The following WEE2 variants were observed in gnomAD, a reference collection of about 807,000 sequenced individuals.
The protein encoded by WEE2 is wee1-like protein kinase 2.
In WEE2, 50 loss-of-function variants were observed where a neutral mutation model predicts 60.1. That is an observed-to-expected ratio of 0.83 (90% CI 0.66 to 1.05). The LOEUF is 1.05. Ranked by LOEUF, WEE2 falls within the 50% of genes least tolerant of loss-of-function variation. WEE2 has a pLI of 0.00. For synonymous variants in WEE2, 240 were observed against 241.0 expected, an observed-to-expected ratio of 1.00 and a Z score of 0.04; for missense variants, 631 against 684.3, an observed-to-expected ratio of 0.92 and a Z score of 0.87.
At chr7:141,729,698 T>C in intron 11 of WEE2, 25 bp downstream of exon 11, 2 of 1,597,046 alleles carry the variant, frequency 1.3e-6, no homozygotes, top group Non-Finnish European at 1.7e-6. Flanking sequence ...CCTTAAGAAC[T>C]CATTTTGCAG....
At chr7:141,716,612 C>G (rs1798801884) in intron 3 of WEE2, among the ~76,000 whole-genome samples, 1 of 151,866 alleles carries the variant, frequency 6.6e-6, no homozygotes, top group African/African-American at 2.4e-5. Context: ...TAGTCAGGGT[C>G]TGTGTTCTCA....
chr7:141,723,100 T>C lies in WEE2; in HGVS notation c.881-34T>C, dbSNP rs372816512. The C allele has an allele frequency of 1.9e-6, 3 of 1,612,788 alleles. No homozygotes were observed. In the African/African-American group the frequency reaches 4.0e-5, roughly 22 times the overall value. On this transcript the variant is annotated intron_variant, in intron 5 of 11. Transcript: ENST00000397541. ...ACTATGCTTTCATCTATAAGACTCATACTGTGGGGCTGTTCTCTGTTGTTC... is the reference window on the plus strand; with the variant it reads ...ACTATGCTTTCATCTATAAGACTCACACTGTGGGGCTGTTCTCTGTTGTTC...
chr7:141,727,018 G>A (rs568171197), intron 9 of WEE2, among the ~76,000 whole-genome samples: 233 of 152,270 alleles, frequency 1.5e-3, no homozygotes, highest in Non-Finnish European at 2.7e-3. Flanking sequence ...TTTTTATCGA[G>A]AGTCTTAGTT....
rs200837164 is a variant in WEE2, at chr7:141,722,765, AAAAT to A, written c.881-368_881-365del. ...TAGTTAATAATTAGGTAAAACTTTT[AAAAT>A]GTTAGCTGGTACATATTTGAATCAA... On this transcript the variant is annotated intron_variant, in intron 5 of 11. Transcript: ENST00000397541. Among the ~76,000 whole-genome samples, 475 of 152,340 alleles carry A rather than the reference AAAAT, an allele frequency of 3.1e-3. 6 individuals carry two copies. The highest frequency in any genetic ancestry group is 0.024 in the East Asian group (122 of 5,186).
At chr7:141,715,431 C>A (rs1798778441) in intron 2 of WEE2, among the ~76,000 whole-genome samples, 1 of 152,106 alleles carries the variant, frequency 6.6e-6, no homozygotes, top group South Asian at 2.1e-4. Flanking sequence ...CAATGTGGTA[C>A]TAAATCACAA....
intron 2 of WEE2, among the ~76,000 whole-genome samples, chr7:141,715,615 T>C (rs893631325): frequency 2.0e-5 from 3 of 152,160 alleles, no homozygotes; most frequent in Non-Finnish European, 2.9e-5. Flanking sequence ...CGAAGAGTAA[T>C]TGAAAATATC....
chr7:141,720,800 T>C (rs1798895134), intron 4 of WEE2, 135 bp from the exon 5 acceptor site: 3 of 978,524 alleles, frequency 3.1e-6, no homozygotes, highest in Non-Finnish European at 4.6e-6. Flanking sequence ...TTCAATGAGA[T>C]AAAATAGTAA....
intron 10 of WEE2, 87 bp from the exon 11 acceptor site, chr7:141,729,436 GAAACAAGA>G: frequency 6.5e-7 from 1 of 1,545,046 alleles, no homozygotes; most frequent in Non-Finnish European, 8.9e-7. Context: ...TGTAAATACT[GAAACAAGA>G]AGAAAAACAT....
rs529322195 is a variant in WEE2 at position 141,708,695 on chromosome 7, G to A, written c.-64G>A. The A allele has an allele frequency of 1.4e-6, 2 of 1,405,454 alleles. No individual in the cohort carries two copies. Among genetic ancestry groups the A allele is most frequent in the East Asian group, 4.6e-5 (2 of 43,558 alleles). 87.1% of individuals were successfully genotyped at this position (1,405,454 alleles called of 1,614,324 possible). On this transcript the variant is annotated 5_prime_UTR_variant, in exon 1 of 12. Transcript: ENST00000397541. ...AAGTTATTTTCTCCTCCCTGCTTCT[G>A]TAGGTTCACAGCGTTCCCTTCTGAT...
At chr7:141,713,086 A>G (rs577536042) in intron 1 of WEE2, among the ~76,000 whole-genome samples, 1 of 152,078 alleles carries the variant, frequency 6.6e-6, no homozygotes, top group African/African-American at 2.4e-5. Context: ...TCTTCACTTA[A>G]AAAAAAGGCT....
At chr7:141,715,607 A>G (rs960528399) in intron 2 of WEE2, among the ~76,000 whole-genome samples, 3 of 152,186 alleles carry the variant, frequency 2.0e-5, no homozygotes, top group Admixed American at 6.5e-5. Flanking sequence ...TAGCTTATCG[A>G]AGAGTAATTG....
chr7:141,713,439 T>C (rs937119636), intron 1 of WEE2, among the ~76,000 whole-genome samples: 6 of 152,314 alleles, frequency 3.9e-5, no homozygotes, highest in Admixed American at 6.5e-5. Context: ...GGTTTCATTC[T>C]GGTTAGGTTT....
chr7:141,715,460 T>C (rs1382333720), intron 2 of WEE2, among the ~76,000 whole-genome samples: 2 of 152,226 alleles, frequency 1.3e-5, no homozygotes, highest in Non-Finnish European at 2.9e-5. Context: ...CATTGATTTA[T>C]TTCCATGAAT....
chr7:141,709,680 T>C (rs1400970254), intron 1 of WEE2, among the ~76,000 whole-genome samples: 2 of 152,196 alleles, frequency 1.3e-5, no homozygotes, highest in East Asian at 1.9e-4. Flanking sequence ...CTTGGTCTAA[T>C]AGAAGAACCT....
In WEE2 at chr7:141,729,303, C is replaced by A. The variant is rs186209890; in HGVS notation, c.1536-228C>A. On this transcript the variant is annotated intron_variant, in intron 10 of 11. Coordinates refer to ENST00000397541, the MANE Select transcript of WEE2 (RefSeq NM_001105558.1). ...AGCATTTTAAAGATCACTTATACTC[C>A]AATCAGCAGAGCCTGGGGAGCTAAA... Among the ~76,000 whole-genome samples, 342 of 152,308 alleles carry A rather than the reference C, an allele frequency of 2.2e-3. 2 individuals carry two copies. The highest frequency in any genetic ancestry group is 8.0e-3 in the African/African-American group (333 of 41,560).
At chr7:141,727,083 T>C (rs1002745846) in intron 9 of WEE2, 7 of 456,476 alleles carry the variant, frequency 1.5e-5, no homozygotes, top group African/African-American at 1.4e-4. Context: ...CTCCAAAATA[T>C]GATTAAAAAC....
intron 2 of WEE2, among the ~76,000 whole-genome samples, chr7:141,714,911 A>T (rs1295458543): frequency 2.0e-5 from 3 of 152,212 alleles, no homozygotes; most frequent in Non-Finnish European, 4.4e-5. Flanking sequence ...AAACTGTACT[A>T]TTCCATAAAG....
At chr7:141,721,593 G>C (rs934219180) in intron 5 of WEE2, among the ~76,000 whole-genome samples, 2 of 151,978 alleles carry the variant, frequency 1.3e-5, no homozygotes, top group Non-Finnish European at 2.9e-5. Context: ...CAAGTAGCTG[G>C]GATTACAGAC....
In WEE2 at chr7:141,730,363, C is replaced by T. The variant is rs192901730; in HGVS notation, c.*43C>T. The T allele has an allele frequency of 1.7e-4, 278 of 1,593,358 alleles. 2 individuals are homozygous for T. In the Middle Eastern group the frequency reaches 3.3e-3, roughly 19 times the overall value. On this transcript the variant is annotated 3_prime_UTR_variant, in exon 12 of 12. Transcript: ENST00000397541. ...AGCCCTTGGTTTGGCCTATGGATTACGAGGTTGCTGTTGCTGATTCCCCAC... is the reference window on the plus strand; with the variant it reads ...AGCCCTTGGTTTGGCCTATGGATTATGAGGTTGCTGTTGCTGATTCCCCAC...
Sources: allele counts gnomAD v4.1 joint callset (sites outside exome capture counted in the v4.1 genomes callset), GRCh38; gene constraint gnomAD v4.1.1; transcripts MANE v1.5; gene names NCBI Gene and HGNC (gene_info 2026-07-23, HGNC 2026-07-21).